C2orf42: variants seen among roughly 807,000 people sequenced by gnomAD.
C2orf42 encodes the protein uncharacterized protein C2orf42.
Under a neutral mutation model 58.9 loss-of-function variants are expected in C2orf42, and 44 were observed. The ratio of observed to expected loss-of-function variants is 0.75; its 90% confidence interval spans 0.59 to 0.96. The LOEUF is 0.96. C2orf42 is among the 40% of genes least tolerant of loss of function. The pLI, the probability that C2orf42 is intolerant of heterozygous loss-of-function variation, is 0.00. For missense variants in C2orf42, 630 were observed against 699.2 expected, an observed-to-expected ratio of 0.90 and a Z score of 1.12; for synonymous variants, 239 against 265.4, an observed-to-expected ratio of 0.90 and a Z score of 0.97.
At chr2:70,181,028 G>GGA in intron 3 of C2orf42, 135 bp downstream of exon 3, 1 of 226,318 alleles carries the variant, frequency 4.4e-6, no homozygotes, top group East Asian at 7.9e-5. Context: ...AAAAAAAAAA[G>GGA]AAGGAACACT....
chr2:70,181,609 T>C lies in C2orf42; in HGVS notation c.377A>G (p.Gln126Arg). Residue 126 changes from glutamine to arginine, a missense_variant, in exon 3 of 10, where the codon CAA becomes CGA. By Grantham distance (43) the Gln-to-Arg change is conservative (BLOSUM62 1). Coordinates refer to ENST00000264434, the MANE Select transcript of C2orf42 (RefSeq NM_017880.3). Reference sequence around the variant, plus strand: ...CTGGCACTGGTTTTCCACAACGCCTTGAGTGGCAGCTTTCAGGCATGAGGG... The same window carrying C: ...CTGGCACTGGTTTTCCACAACGCCTCGAGTGGCAGCTTTCAGGCATGAGGG... ...YVPSCLKAAT[Q>R]GVVENQCQHI... 1.9e-6 allele frequency: 3 copies of C among 1,614,048 alleles called. No individual in the cohort carries two copies. Among genetic ancestry groups the C allele is most frequent in the Non-Finnish European group, 2.5e-6 (3 of 1,179,972 alleles).
intron 1 of C2orf42, among the ~76,000 whole-genome samples, chr2:70,187,942 C>A (rs1201168217): frequency 6.6e-6 from 1 of 151,990 alleles, no homozygotes; most frequent in Non-Finnish European, 1.5e-5. Flanking sequence ...CCACCCACCT[C>A]GGCCTCCCAA....
chr2:70,175,897 A>G (rs1674160311), intron 4 of C2orf42, 120 bp from the exon 5 acceptor site: 1 of 688,552 alleles, frequency 1.5e-6, no homozygotes, highest in Non-Finnish European at 2.6e-6. Context: ...TTAGCTTCAC[A>G]GTTTCTAGGA....
chr2:70,158,135 G>A (rs1672801502), intron 9 of C2orf42, among the ~76,000 whole-genome samples: 1 of 151,744 alleles, frequency 6.6e-6, no homozygotes, highest in African/African-American at 2.4e-5. Flanking sequence ...GGAGATGGAG[G>A]GTGTAGTGAG....
At position 70,169,601 on chromosome 2, in the gene C2orf42, C is replaced by T. The variant is rs1365587643; in HGVS notation, c.1100G>A (p.Ser367Asn). The T allele has an allele frequency of 1.2e-6, 2 of 1,610,778 alleles. No homozygotes were observed. The highest frequency in any genetic ancestry group is 2.2e-5 in the East Asian group (1 of 44,864). ...VTLSFQDWLASVTERIHQTMH... is the reference protein window; with the variant it reads ...VTLSFQDWLANVTERIHQTMH... ...GGTTTGATGGATGCGTTCTGTGACA[C>T]TGGCCAGCCAGTCTTGGAAGGATAA... Residue 367 changes from serine (S) to asparagine (N), a missense_variant, in exon 6 of 10, where the codon AGT becomes AAT. Physicochemically the swap from Ser to Asn is conservative, Grantham distance 46 (BLOSUM62 1). Transcript: ENST00000264434.
Position 70,181,653 on chromosome 2 carries a change from G to A in C2orf42, c.333C>T (p.Ser111=), listed in dbSNP as rs979109417. 2 of 1,613,998 alleles carry A rather than the reference G, an allele frequency of 1.2e-6. No individual in the cohort carries two copies. Among genetic ancestry groups the A allele is most frequent in the African/African-American group, 1.3e-5 (1 of 74,918 alleles). ...ATGAGGGGACATAACACCGTCCAGA[G>A]CTCAGCTGAGTGATGATCGTCCCAT... is the stretch of plus-strand genomic sequence containing the variant. ...TVDGTIITQL[S]SGRCYVPSCL... is the part of the protein sequence containing the mutation. The change falls in exon 3 of 10, where the codon AGC becomes AGT. Residue 111 remains serine (S), a synonymous_variant. Coordinates refer to ENST00000264434, the MANE Select transcript of C2orf42 (RefSeq NM_017880.3).
chr2:70,187,386 G>T (rs963831572), intron 1 of C2orf42, among the ~76,000 whole-genome samples: 3 of 152,010 alleles, frequency 2.0e-5, no homozygotes, highest in Admixed American at 2.0e-4. Flanking sequence ...GAGTAGCGGG[G>T]ATTACAGGTA....
rs941482806 is a variant in C2orf42 at position 70,181,405 on chromosome 2, T to G, written c.581A>C (p.Lys194Thr). Residue 194 changes from lysine (K) to threonine (T), a missense_variant, in exon 3 of 10, where the codon AAG becomes ACG. Physicochemically the swap from Lys to Thr is moderately conservative, Grantham distance 78 (BLOSUM62 -1). Coordinates refer to ENST00000264434, the MANE Select transcript of C2orf42 (RefSeq NM_017880.3). ...CCCCAAACTGTGCTTCTGGCTTGCCTTGCATTTCACCACCAAGATGTTTTT... is the reference window on the plus strand; with the variant it reads ...CCCCAAACTGTGCTTCTGGCTTGCCGTGCATTTCACCACCAAGATGTTTTT... ...ITKNILVVKC[K>T]ASQKHSLGYL... 6.2e-7 allele frequency: 1 copy of G among 1,614,028 alleles called. No homozygotes were observed. The highest frequency in any genetic ancestry group is 8.5e-7 in the Non-Finnish European group (1 of 1,180,018).
chr2:70,150,276 A>C lies in C2orf42; in HGVS notation c.*80T>G, dbSNP rs895536444. On this transcript the variant is annotated 3_prime_UTR_variant, in exon 10 of 10. Coordinates refer to ENST00000264434, the MANE Select transcript of C2orf42 (RefSeq NM_017880.3). ...GTTTACCAAGGAACAGGGCCATCTAAGTGCCTAACTAGCATTTAAAGTTGT... is the reference window on the plus strand; with the variant it reads ...GTTTACCAAGGAACAGGGCCATCTACGTGCCTAACTAGCATTTAAAGTTGT... 4.1e-6 allele frequency: 5 copies of C among 1,208,198 alleles called. No individual in the cohort carries two copies. The highest frequency in any genetic ancestry group is 6.1e-6 in the Non-Finnish European group (5 of 825,662). 74.8% of individuals were successfully genotyped at this position (1,208,198 alleles called of 1,614,324 possible). A position where few individuals can be genotyped will look rare whatever the true frequency, so the allele number is the denominator to read the frequency against.
intron 1 of C2orf42, among the ~76,000 whole-genome samples, chr2:70,187,699 T>C (rs1238258198): frequency 6.6e-6 from 1 of 152,152 alleles, no homozygotes; most frequent in Non-Finnish European, 1.5e-5. Context: ...ATTTTAGTTT[T>C]TTTTAAATTG....
intron 4 of C2orf42, among the ~76,000 whole-genome samples, chr2:70,177,722 C>T (rs1369914172): frequency 2.0e-5 from 3 of 152,142 alleles, no homozygotes; most frequent in African/African-American, 7.2e-5. Flanking sequence ...TTTACCTTTG[C>T]CTGTGGTCTC....
chr2:70,154,121 GA>G (rs769289632), intron 9 of C2orf42, among the ~76,000 whole-genome samples: 83 of 149,326 alleles, frequency 5.6e-4, no homozygotes, highest in Middle Eastern at 3.5e-3. Flanking sequence ...ATCCACAAAA[GA>G]AAAAAAATAA....
intron 9 of C2orf42, among the ~76,000 whole-genome samples, chr2:70,158,683 C>T (rs549407709): frequency 3.7e-4 from 56 of 151,110 alleles, no homozygotes; most frequent in African/African-American, 1.1e-3. Context: ...CTCCTGACCT[C>T]GTGATCTGCC....
At chr2:70,180,208 C>T (rs1259184455) in intron 3 of C2orf42, among the ~76,000 whole-genome samples, 2 of 151,970 alleles carry the variant, frequency 1.3e-5, no homozygotes, top group African/African-American at 2.4e-5. Context: ...AGGAGAAGCG[C>T]TTGAACCCAG....
At chr2:70,167,576 A>C (rs1673486069) in intron 6 of C2orf42, among the ~76,000 whole-genome samples, 1 of 151,764 alleles carries the variant, frequency 6.6e-6, no homozygotes, top group South Asian at 2.1e-4. Flanking sequence ...CCCTGTCTCT[A>C]TTAAAAATAC....
At position 70,188,654 on chromosome 2, in the gene C2orf42, C is replaced by T. The variant is rs948534354; in HGVS notation, c.-282+2319G>A. On this transcript the variant is annotated intron_variant, in intron 1 of 9. Transcript: ENST00000264434. Reference sequence around the variant, plus strand: ...CAAAACCAAGGGACCAACATTGCCACATTATTATTAACTGAACTCTAGACT... The same window carrying T: ...CAAAACCAAGGGACCAACATTGCCATATTATTATTAACTGAACTCTAGACT... Among the ~76,000 whole-genome samples, 3 of 152,156 alleles carry T rather than the reference C, an allele frequency of 2.0e-5. No homozygotes were observed. In the East Asian group the frequency reaches 5.8e-4, roughly 29 times the overall value.
chr2:70,167,383 G>A (rs927212586), intron 6 of C2orf42, among the ~76,000 whole-genome samples: 1 of 150,330 alleles, frequency 6.7e-6, no homozygotes, highest in Non-Finnish European at 1.5e-5. Context: ...AAAGAAACTT[G>A]TCAGACATTA....
chr2:70,176,381 G>A lies in C2orf42; in HGVS notation c.935-604C>T, dbSNP rs573026834. Among the ~76,000 whole-genome samples, 58 of 152,128 alleles carry A rather than the reference G, an allele frequency of 3.8e-4. No individual in the cohort carries two copies. In the South Asian group the frequency reaches 0.011, roughly 28 times the overall value. The stretch of plus-strand genomic sequence containing the variant: ...TAGCCGGGCGCGGTGGCAGGTGCCT[G>A]TAGTCCCAGCTACTCAGGAGGCTGA... On this transcript the variant is annotated intron_variant, in intron 4 of 9. Coordinates refer to ENST00000264434, the MANE Select transcript of C2orf42 (RefSeq NM_017880.3).
At chr2:70,156,192 T>C (rs1485255186) in intron 9 of C2orf42, among the ~76,000 whole-genome samples, 1 of 151,064 alleles carries the variant, frequency 6.6e-6, no homozygotes, top group Non-Finnish European at 1.5e-5. Context: ...TCAAAAACTA[T>C]GAAGACAAGA....
Sources: allele counts gnomAD v4.1 joint callset (sites outside exome capture counted in the v4.1 genomes callset), GRCh38; gene constraint gnomAD v4.1.1; transcripts MANE v1.5; gene names NCBI Gene and HGNC (gene_info 2026-07-23, HGNC 2026-07-21).